Variants in AP1S3 observed in about 807,000 individuals in gnomAD.
AP1S3 encodes the protein AP-1 complex subunit sigma-3.
AP1S3 carries 10 observed loss-of-function variants against 20.9 expected under a neutral mutation model. The ratio of observed to expected loss-of-function variants is 0.48; its 90% CI spans 0.29 to 0.81. The LOEUF (loss-of-function observed/expected upper bound fraction) is 0.81. Ranked by LOEUF, AP1S3 falls within the 30% of genes least tolerant of loss-of-function variation. AP1S3 has a pLI of 0.08. For missense variants in AP1S3, 154 were observed against 183.8 expected, an observed-to-expected ratio of 0.84 and a Z score of 0.94; for synonymous variants, 41 against 61.5, an observed-to-expected ratio of 0.67 and a Z score of 1.56.
intron 1 of AP1S3, among the ~76,000 whole-genome samples, chr2:223,805,335 CG>C (rs1390103082): frequency 6.6e-6 from 1 of 152,004 alleles, no homozygotes; most frequent in Non-Finnish European, 1.5e-5. Flanking sequence ...CCTGGCTACT[CG>C]GGAGCCAGAG....
chr2:223,773,363 T>C (rs752522731), intron 3 of AP1S3: 10 of 1,303,772 alleles, frequency 7.7e-6, no homozygotes, highest in Admixed American at 2.3e-5. Flanking sequence ...TGTAGTTTAT[T>C]TCAAAGGAAA....
At chr2:223,817,179 T>G (rs1691865095) in intron 1 of AP1S3, among the ~76,000 whole-genome samples, 1 of 151,992 alleles carries the variant, frequency 6.6e-6, no homozygotes, top group African/African-American at 2.4e-5. Context: ...GTATGAGAGG[T>G]GGTCCAGTCA....
At chr2:223,835,805 C>T (rs1692381799) in intron 1 of AP1S3, among the ~76,000 whole-genome samples, 1 of 152,188 alleles carries the variant, frequency 6.6e-6, no homozygotes, top group Non-Finnish European at 1.5e-5. Context: ...AGAGGAGCAG[C>T]TTTTCCTTAT....
At chr2:223,784,451 A>G (rs986921588) in intron 1 of AP1S3, among the ~76,000 whole-genome samples, 1 of 152,126 alleles carries the variant, frequency 6.6e-6, no homozygotes, top group Non-Finnish European at 1.5e-5. Flanking sequence ...CAGAGAGCAC[A>G]ACACTTCTCA....
intron 1 of AP1S3, among the ~76,000 whole-genome samples, chr2:223,807,389 T>G (rs985108869): frequency 6.6e-6 from 1 of 152,190 alleles, no homozygotes; most frequent in African/African-American, 2.4e-5. Context: ...GGACATCACC[T>G]CAACACACTC....
At chr2:223,770,400 G>A in intron 3 of AP1S3, 1 of 1,531,836 alleles carries the variant, frequency 6.5e-7, no homozygotes, top group Non-Finnish European at 8.8e-7. Context: ...CACGTCCCCA[G>A]GTCTGGGTCC....
chr2:223,802,323 G>C (rs1691489513), intron 1 of AP1S3, among the ~76,000 whole-genome samples: 2 of 148,432 alleles, frequency 1.3e-5, no homozygotes, highest in Admixed American at 1.3e-4. Context: ...TTTTTTTGGA[G>C]ACAGAGTCTC....
intron 1 of AP1S3, among the ~76,000 whole-genome samples, chr2:223,822,244 T>A (rs77268222): frequency 0.18 from 26,662 of 150,962 alleles, 2,978 homozygotes; most frequent in East Asian, 0.41. Context: ...ATAGAAAAAA[T>A]GAGCTGGGCA....
chr2:223,835,153 A>C (rs902295558), intron 1 of AP1S3, among the ~76,000 whole-genome samples: 4 of 113,778 alleles, frequency 3.5e-5, no homozygotes, highest in Non-Finnish European at 6.0e-5. Flanking sequence ...CTTATGAGTT[A>C]GGAGATATTA....
chr2:223,755,809 C>T lies in AP1S3; in HGVS notation c.*2906G>A, dbSNP rs892506170. 3.0e-6 allele frequency: 3 copies of T among 984,654 alleles called. No individual in the cohort carries two copies. Among genetic ancestry groups the T allele is most frequent in the South Asian group, 4.7e-5 (1 of 21,286 alleles). The allele number at this position is 984,654 out of a possible 1,614,324, so 61.0% of individuals were successfully genotyped here. A position where few individuals can be genotyped will look rare whatever the true frequency, so the allele number is the denominator to read the frequency against. On this transcript the variant is annotated 3_prime_UTR_variant, in exon 5 of 5. Coordinates refer to ENST00000396654, the MANE Select transcript of AP1S3 (RefSeq NM_001039569.2). ...CCTCCCAAAGTGCTGGGATTACAGGCGTGAGCCACCTTGCCCAGAAGAGAT... is the reference window on the plus strand; with the variant it reads ...CCTCCCAAAGTGCTGGGATTACAGGTGTGAGCCACCTTGCCCAGAAGAGAT...
At chr2:223,812,226 T>C (rs1691748830) in intron 1 of AP1S3, among the ~76,000 whole-genome samples, 1 of 152,208 alleles carries the variant, frequency 6.6e-6, no homozygotes, top group Non-Finnish European at 1.5e-5. Flanking sequence ...TGTTTTTTGT[T>C]TTTGTTTTGT....
intron 1 of AP1S3, among the ~76,000 whole-genome samples, chr2:223,790,258 G>T (rs1339582952): frequency 1.4e-5 from 2 of 144,578 alleles, no homozygotes; most frequent in South Asian, 2.2e-4. Context: ...TTGAGAAAGA[G>T]TCTTGCTCTG....
intron 3 of AP1S3, among the ~76,000 whole-genome samples, chr2:223,767,752 T>A (rs1690516580): frequency 6.6e-6 from 1 of 152,090 alleles, no homozygotes; most frequent in Non-Finnish European, 1.5e-5. Flanking sequence ...ATTATTCTTT[T>A]TCCTTTAGTC....
In AP1S3 at chr2:223,755,952, T is replaced by G. The variant is rs192303031; in HGVS notation, c.*2763A>C. The G allele has an allele frequency of 5.4e-4, 535 of 985,472 alleles. 6 individuals carry two copies. In the African/African-American group the frequency reaches 8.7e-3, roughly 16 times the overall value. The allele number at this position is 985,472 out of a possible 1,614,324, so 61.0% of individuals were successfully genotyped here. A position where few individuals can be genotyped will look rare whatever the true frequency, so the allele number is the denominator to read the frequency against. On this transcript the variant is annotated 3_prime_UTR_variant, in exon 5 of 5. Coordinates refer to ENST00000396654, the MANE Select transcript of AP1S3 (RefSeq NM_001039569.2). ...GTATATTTGAATGAGGTTCAAGAGA[T>G]ACCTTTATCCAAATATGGTGACAAA... is the stretch of plus-strand genomic sequence containing the variant.
At chr2:223,808,496 C>T (rs1212318663) in intron 1 of AP1S3, among the ~76,000 whole-genome samples, 2 of 152,192 alleles carry the variant, frequency 1.3e-5, no homozygotes, top group Non-Finnish European at 2.9e-5. Flanking sequence ...TTTCCAATCA[C>T]TTTTATGTTA....
intron 1 of AP1S3, among the ~76,000 whole-genome samples, chr2:223,808,330 A>G (rs1250096485): frequency 6.6e-6 from 1 of 152,324 alleles, no homozygotes; most frequent in East Asian, 1.9e-4. Context: ...GCTGCAGAGA[A>G]CTGCCCCACT....
In AP1S3 at chr2:223,757,034, G is replaced by C. The variant is rs625353; in HGVS notation, c.*1681C>G. The C allele has an allele frequency of 0.077, 74,413 of 969,462 alleles. 8,640 individuals are homozygous for C. The highest frequency in any genetic ancestry group is 0.47 in the African/African-American group (26,387 of 55,728). 60.1% of individuals were successfully genotyped at this position (969,462 alleles called of 1,614,324 possible). On this transcript the variant is annotated 3_prime_UTR_variant, in exon 5 of 5. Coordinates refer to ENST00000396654, the MANE Select transcript of AP1S3 (RefSeq NM_001039569.2). Reference sequence around the variant, plus strand: ...GAGACGCAGTCTTGCTCTGTCACCCGCCTGGAGTGCACTGGTATGACCTTG... The same window carrying C: ...GAGACGCAGTCTTGCTCTGTCACCCCCCTGGAGTGCACTGGTATGACCTTG...
intron 3 of AP1S3, among the ~76,000 whole-genome samples, chr2:223,769,812 C>A (rs993669798): frequency 7.5e-6 from 1 of 132,662 alleles, no homozygotes; most frequent in Non-Finnish European, 1.5e-5. Flanking sequence ...GGCGCGATCT[C>A]GGCTCACTGA....
At chr2:223,835,686 T>C (rs942424276) in intron 1 of AP1S3, among the ~76,000 whole-genome samples, 18 of 152,138 alleles carry the variant, frequency 1.2e-4, no homozygotes, top group South Asian at 2.1e-4. Flanking sequence ...ATGTTTCCCA[T>C]TTAGCAAAAA....
Sources: gnomAD v4.1 joint callset for allele counts (sites outside exome capture counted in the v4.1 genomes callset) on GRCh38, gnomAD v4.1.1 for gene constraint, MANE v1.5 for transcripts, NCBI Gene and HGNC (gene_info 2026-07-23, HGNC 2026-07-21) for gene names.